WWTR1: variants seen among roughly 807,000 people sequenced by gnomAD.
The protein encoded by WWTR1 is WW domain containing transcription regulator 1, also known as WW domain-containing transcription regulator protein 1.
A neutral mutation model predicts 40.1 loss-of-function variants in WWTR1; 13 were observed. That is an observed-to-expected ratio of 0.32 (90% confidence interval 0.21 to 0.52). WWTR1 has a LOEUF of 0.52. WWTR1 is among the 20% of genes least tolerant of loss of function. The probability of loss-of-function intolerance (pLI) is 0.97; values close to 1 mark genes in which losing one functional copy is unlikely to be tolerated. For missense variants in WWTR1, 436 were observed against 523.1 expected (o/e 0.83, Z 1.63); for synonymous variants, 230 against 210.1 (o/e 1.09, Z -0.82).
Position 149,633,999 on chromosome 3 carries a change from G to A in WWTR1, c.431+22877C>T, listed in dbSNP as rs565661358. 3.3e-5 allele frequency among the ~76,000 whole-genome samples: 5 copies of A among 152,248 alleles called. No individual in the cohort carries two copies. The South Asian group carries it at 8.3e-4, about 25-fold the overall frequency. ...ATTAGCCTGGCTGTGGTGTGCAAAG[G>A]ACTGAAGTCAGAGGCTAGTGTGCTG... On this transcript the variant is annotated intron_variant, in intron 2 of 6. Transcript: ENST00000360632.
At chr3:149,587,058 G>A (rs533117963) in intron 2 of WWTR1, among the ~76,000 whole-genome samples, 1 of 152,300 alleles carries the variant, frequency 6.6e-6, no homozygotes, top group Admixed American at 6.5e-5. Context: ...AGTCATTCTA[G>A]CAAATGGATC....
chr3:149,573,083 A>G, intron 2 of WWTR1, 83 bp from the exon 3 acceptor site: 1 of 1,372,334 alleles, frequency 7.3e-7, no homozygotes, highest in Non-Finnish European at 9.9e-7. Flanking sequence ...ATAGTTAATG[A>G]CACTAATTCT....
intron 2 of WWTR1, among the ~76,000 whole-genome samples, chr3:149,602,557 G>T (rs1477064831): frequency 1.3e-5 from 2 of 152,140 alleles, no homozygotes; most frequent in African/African-American, 4.8e-5. Flanking sequence ...CTCTAGTGTT[G>T]ATCATTGCCC....
chr3:149,722,810 TA>T (rs1715785427), intron 4 of WWTR1, among the ~76,000 whole-genome samples: 1 of 152,024 alleles, frequency 6.6e-6, no homozygotes, highest in Non-Finnish European at 1.5e-5. Flanking sequence ...TTGAATTTCT[TA>T]AAATTTTCAC....
chr3:149,648,754 T>C (rs1255961226), intron 2 of WWTR1, among the ~76,000 whole-genome samples: 6 of 152,196 alleles, frequency 3.9e-5, no homozygotes, highest in Non-Finnish European at 8.8e-5. Flanking sequence ...ATATTATAAA[T>C]GACTGACTTA....
upstream of WWTR1, among the ~76,000 whole-genome samples, chr3:149,704,296 G>A (rs911863610): frequency 6.6e-6 from 1 of 152,142 alleles, no homozygotes; most frequent in African/African-American, 2.4e-5. Context: ...CTAAAAAATA[G>A]GATACTTTGC....
intron 3 of WWTR1, among the ~76,000 whole-genome samples, chr3:149,563,481 A>G (rs1465988806): frequency 1.3e-5 from 2 of 152,190 alleles, no homozygotes; most frequent in Admixed American, 1.3e-4. Context: ...TTTACTTGGA[A>G]TATTTGGGGT....
intron 1 of WWTR1, among the ~76,000 whole-genome samples, chr3:149,688,629 C>T (rs1233495994): frequency 3.3e-5 from 5 of 152,182 alleles, no homozygotes; most frequent in Non-Finnish European, 5.9e-5. Context: ...GATCACAACA[C>T]TCAATTTCCT....
At chr3:149,583,447 T>G (rs1372158351) in intron 2 of WWTR1, among the ~76,000 whole-genome samples, 1 of 152,152 alleles carries the variant, frequency 6.6e-6, no homozygotes, top group East Asian at 1.9e-4. Context: ...TAAGTGATCC[T>G]CCTGCCTCAG....
intron 2 of WWTR1, among the ~76,000 whole-genome samples, chr3:149,641,884 GCA>G (rs1393262407): frequency 6.6e-6 from 1 of 152,186 alleles, no homozygotes; most frequent in African/African-American, 2.4e-5. Context: ...AAGGCCCAAA[GCA>G]CAGCCCCTGT....
At chr3:149,722,504 ATTTCT>A (rs1454332275) in intron 4 of WWTR1, among the ~76,000 whole-genome samples, 1 of 151,680 alleles carries the variant, frequency 6.6e-6, no homozygotes, top group Admixed American at 6.6e-5. Flanking sequence ...TTCCATTATG[ATTTCT>A]TTTATTAATT....
intron 2 of WWTR1, among the ~76,000 whole-genome samples, chr3:149,669,042 C>T (rs1488449799): frequency 6.6e-6 from 1 of 152,186 alleles, no homozygotes; most frequent in African/African-American, 2.4e-5. Context: ...CCTTTTTTAC[C>T]CAAAATCACC....
chr3:149,683,833 A>G (rs1258493211), intron 1 of WWTR1, among the ~76,000 whole-genome samples: 2 of 152,222 alleles, frequency 1.3e-5, no homozygotes, highest in Non-Finnish European at 2.9e-5. Flanking sequence ...TGCAATGTCC[A>G]AGAGAGACGA....
intron 2 of WWTR1, among the ~76,000 whole-genome samples, chr3:149,587,892 G>A (rs528952561): frequency 2.6e-5 from 4 of 152,170 alleles, no homozygotes; most frequent in South Asian, 2.1e-4. Context: ...AACTTACGGC[G>A]GGTTATTCTC....
chr3:149,701,742 G>C (rs1715185713), intron 1 of WWTR1: 1 of 174,698 alleles, frequency 5.7e-6, no homozygotes, highest in Admixed American at 6.4e-5. Flanking sequence ...TTAACCGTAA[G>C]CTGTTTAAGT....
chr3:149,526,106 C>T lies in WWTR1; in HGVS notation c.925G>A (p.Glu309Lys). 6.2e-7 allele frequency: 1 copy of T among 1,608,154 alleles called. No individual in the cohort carries two copies. The highest frequency in any genetic ancestry group is 1.1e-5 in the South Asian group (1 of 90,080). ...FLNGGPYHSR[E>K]QSTDSGLGLG... ...CCCAGGCCACTGTCAGTGCTCTGCT[C>T]CCTCGAATGATATGGCCCTCTGCAA... Residue 309 changes from glutamate to lysine, a missense_variant, in exon 6 of 7, where the codon GAG (glutamate) becomes AAG (lysine). Coordinates refer to ENST00000360632, the MANE Select transcript of WWTR1 (RefSeq NM_015472.6).
chr3:149,622,217 C>T (rs1264813270), intron 2 of WWTR1, among the ~76,000 whole-genome samples: 3 of 151,964 alleles, frequency 2.0e-5, no homozygotes, highest in Non-Finnish European at 4.4e-5. Context: ...AACCTTAAAG[C>T]AAATTTGGGA....
upstream of WWTR1, among the ~76,000 whole-genome samples, chr3:149,705,673 C>T (rs897958512): frequency 2.3e-4 from 35 of 152,268 alleles, no homozygotes; most frequent in African/African-American, 8.4e-4. Context: ...ATCAACAAAA[C>T]CACAGTAAGA....
At chr3:149,647,175 AC>A (rs1712578610) in intron 2 of WWTR1, among the ~76,000 whole-genome samples, 2 of 152,328 alleles carry the variant, frequency 1.3e-5, no homozygotes, top group South Asian at 4.2e-4. Flanking sequence ...AAACAAAAAA[AC>A]TAGTGCTCTG....
Sources: allele counts gnomAD v4.1 joint callset (sites outside exome capture counted in the v4.1 genomes callset), GRCh38; gene constraint gnomAD v4.1.1; transcripts MANE v1.5; gene names NCBI Gene and HGNC (gene_info 2026-07-23, HGNC 2026-07-21).